Variants in LRBA observed in about 807,000 individuals in gnomAD.
The protein encoded by LRBA is LPS responsive beige-like anchor protein.
LRBA carries 176 observed loss-of-function variants against 330.0 expected under a neutral mutation model. The observed-to-expected ratio is 0.53, with a 90% CI of 0.47 to 0.60. LRBA has a LOEUF of 0.60. Ranked by LOEUF, LRBA falls within the 20% of genes least tolerant of loss-of-function variation. The pLI, the probability that LRBA is intolerant of heterozygous loss-of-function variation, is 0.00. For synonymous variants in LRBA, 1,230 were observed against 1,193.0 expected (o/e 1.03, Z -0.64); for missense variants, 3,259 against 3,444.8 (o/e 0.95, Z 1.35).
chr4:150,697,526 C>G (rs547784668), intron 36 of LRBA, among the ~76,000 whole-genome samples: 2 of 151,534 alleles, frequency 1.3e-5, no homozygotes, highest in Non-Finnish European at 2.9e-5. Context: ...TAATAAAGAG[C>G]CTTCTCTTTT....
intron 22 of LRBA, 102 bp from the exon 23 acceptor site, chr4:150,853,045 C>T: frequency 2.0e-6 from 1 of 499,868 alleles, no homozygotes; most frequent in Non-Finnish European, 3.3e-6. Flanking sequence ...TTATATAATA[C>T]AATAAAACTT....
chr4:150,328,493 A>T (rs1733581292), intron 48 of LRBA, among the ~76,000 whole-genome samples: 1 of 152,186 alleles, frequency 6.6e-6, no homozygotes, highest in Admixed American at 6.5e-5. Flanking sequence ...ATGAAACCTC[A>T]ATACATGGAG....
chr4:150,888,648 C>G (rs1340496782), intron 17 of LRBA, among the ~76,000 whole-genome samples: 1 of 151,846 alleles, frequency 6.6e-6, no homozygotes, highest in Non-Finnish European at 1.5e-5. Context: ...AAGAGATAAA[C>G]TCCAAACTCA....
chr4:150,410,737 G>T (rs1746870906), intron 47 of LRBA, among the ~76,000 whole-genome samples: 1 of 152,108 alleles, frequency 6.6e-6, no homozygotes, highest in Non-Finnish European at 1.5e-5. Flanking sequence ...ATAAATACAT[G>T]TTAAATGAAT....
At chr4:150,532,271 C>T (rs1274818342) in intron 40 of LRBA, among the ~76,000 whole-genome samples, 1 of 152,166 alleles carries the variant, frequency 6.6e-6, no homozygotes, top group Non-Finnish European at 1.5e-5. Context: ...ACAAATTGAA[C>T]TTCAATCACT....
At chr4:150,503,754 C>A (rs4413387) in intron 40 of LRBA, among the ~76,000 whole-genome samples, 1 of 152,014 alleles carries the variant, frequency 6.6e-6, no homozygotes, top group Non-Finnish European at 1.5e-5. Flanking sequence ...ATGACTTTGA[C>A]GAGTTGAGAG....
At chr4:150,691,541 A>G (rs148570107) in intron 36 of LRBA, among the ~76,000 whole-genome samples, 1 of 152,206 alleles carries the variant, frequency 6.6e-6, no homozygotes, top group Non-Finnish European at 1.5e-5. Flanking sequence ...AAAGAGCTAC[A>G]ATACCAAGCA....
intron 37 of LRBA, among the ~76,000 whole-genome samples, chr4:150,611,894 G>GCTCT (rs375534683): frequency 3.3e-5 from 5 of 151,376 alleles, no homozygotes; most frequent in Non-Finnish European, 7.4e-5. Flanking sequence ...ATTTCTACGC[G>GCTCT]CTCTCTCTCT....
chr4:150,740,643 T>TAA (rs34194284), intron 35 of LRBA, among the ~76,000 whole-genome samples: 4,940 of 136,102 alleles, frequency 0.036, 166 homozygotes, highest in African/African-American at 0.097. Flanking sequence ...GAAAGAATGG[T>TAA]AAAAAAAAAA....
chr4:150,355,480 T>C (rs1247570950), intron 47 of LRBA, among the ~76,000 whole-genome samples: 1 of 152,076 alleles, frequency 6.6e-6, no homozygotes, highest in Non-Finnish European at 1.5e-5. Flanking sequence ...GGATAAATGA[T>C]TTTTATAAAA....
intron 46 of LRBA, among the ~76,000 whole-genome samples, chr4:150,421,150 T>C (rs1748717242): frequency 9.2e-6 from 1 of 109,242 alleles, no homozygotes; most frequent in Non-Finnish European, 1.8e-5. Flanking sequence ...ATATACATTA[T>C]ATTATATATA....
chr4:150,835,464 G>A (rs1476209887), intron 28 of LRBA, among the ~76,000 whole-genome samples: 2 of 152,106 alleles, frequency 1.3e-5, no homozygotes, highest in Non-Finnish European at 2.9e-5. Flanking sequence ...ATTTGTTTGT[G>A]TCCTCTTTTA....
At chr4:150,535,063 T>C (rs568267904) in intron 40 of LRBA, among the ~76,000 whole-genome samples, 7 of 152,334 alleles carry the variant, frequency 4.6e-5, no homozygotes, top group South Asian at 2.1e-4. Flanking sequence ...AATGTTTTTA[T>C]ATTTAGACAT....
rs776726113 is a variant in LRBA, at chr4:150,735,344, C to A, written c.5668G>T (p.Asp1890Tyr). ...TCATTTGCTACTCTTACTAGATGATCCTTCATTGTCTGGCTAAGCAACCTG... is the reference window on the plus strand; with the variant it reads ...TCATTTGCTACTCTTACTAGATGATACTTCATTGTCTGGCTAAGCAACCTG... Reference protein sequence around the residue: ...EGRLLSQTMKDHLVRVANEAE... With the variant: ...EGRLLSQTMKYHLVRVANEAE... The change falls in exon 36 of 57, where the codon GAT (aspartate) becomes TAT (tyrosine). Residue 1890 changes from aspartate (D) to tyrosine (Y), a missense_variant. Asp to Tyr is a radical substitution (Grantham distance 160). Transcript: ENST00000651943. 1.2e-6 allele frequency: 2 copies of A among 1,613,082 alleles called. No homozygotes were observed. The highest frequency in any genetic ancestry group is 1.3e-5 in the African/African-American group (1 of 74,990).
At chr4:150,656,182 A>T (rs1438518812) in intron 37 of LRBA, among the ~76,000 whole-genome samples, 1 of 152,108 alleles carries the variant, frequency 6.6e-6, no homozygotes. Flanking sequence ...TCCAACTTCT[A>T]TGTTTGCTTG....
chr4:150,346,773 A>C (rs1277963875), intron 48 of LRBA, among the ~76,000 whole-genome samples: 11 of 151,032 alleles, frequency 7.3e-5, no homozygotes, highest in African/African-American at 2.7e-4. Flanking sequence ...AAAAAAAAAA[A>C]AAAAAAAAAA....
At chr4:150,704,783 G>A (rs1258752889) in intron 36 of LRBA, among the ~76,000 whole-genome samples, 1 of 151,948 alleles carries the variant, frequency 6.6e-6, no homozygotes, top group African/African-American at 2.4e-5. Context: ...TGTAAAAATA[G>A]CATCAACCAA....
At chr4:150,380,812 C>G (rs146308144) in intron 47 of LRBA, among the ~76,000 whole-genome samples, 1 of 92,014 alleles carries the variant, frequency 1.1e-5, no homozygotes, top group African/African-American at 3.5e-5. Flanking sequence ...CCCGTCTCTA[C>G]TAAAAATACA....
intron 52 of LRBA, among the ~76,000 whole-genome samples, chr4:150,308,936 A>AGT (rs963420726): frequency 6.6e-6 from 1 of 152,314 alleles, no homozygotes; most frequent in Admixed American, 6.5e-5. Flanking sequence ...AAACAAATTT[A>AGT]GTGTAGTCTA....
Sources: allele counts gnomAD v4.1 joint callset (sites outside exome capture counted in the v4.1 genomes callset), GRCh38; gene constraint gnomAD v4.1.1; transcripts MANE v1.5; gene names NCBI Gene and HGNC (gene_info 2026-07-23, HGNC 2026-07-21).